Variants in TNFSF13B observed in about 807,000 individuals in gnomAD.
TNFSF13B encodes the protein TNF superfamily member 13b, also known as tumor necrosis factor ligand superfamily member 13B.
Under a neutral mutation model 29.1 loss-of-function variants are expected in TNFSF13B, and 8 were observed. The ratio of observed to expected loss-of-function variants is 0.27; its 90% CI spans 0.16 to 0.50. TNFSF13B has a LOEUF of 0.50. Ranked by LOEUF, TNFSF13B falls within the 20% of genes least tolerant of loss-of-function variation. The probability of loss-of-function intolerance (pLI) is 0.98; values close to 1 mark genes in which losing one functional copy is unlikely to be tolerated. For synonymous variants in TNFSF13B, 125 were observed against 130.8 expected, an observed-to-expected ratio of 0.96 and a Z score of 0.30; for missense variants, 248 against 334.9, an observed-to-expected ratio of 0.74 and a Z score of 2.03.
rs375713150 is a variant in TNFSF13B, at chr13:108,284,186, A to G, written c.425-2617A>G. Among the ~76,000 whole-genome samples the G allele has an allele frequency of 2.2e-4, 34 of 152,274 alleles. 1 individual carries two copies. In the East Asian group the frequency reaches 3.9e-3, roughly 17 times the overall value. ...CTATTAAAAATACAAAGAATTAGCC[A>G]GGCATGGTGGCGGGCACCTGTAGTC... is the stretch of plus-strand genomic sequence containing the variant. On this transcript the variant is annotated intron_variant, in intron 2 of 5. Coordinates refer to ENST00000375887, the MANE Select transcript of TNFSF13B (RefSeq NM_006573.5).
chr13:108,280,704 G>A (rs1880918204), intron 2 of TNFSF13B, among the ~76,000 whole-genome samples: 1 of 150,448 alleles, frequency 6.6e-6, no homozygotes, highest in Non-Finnish European at 1.5e-5. Flanking sequence ...GCAACATTAA[G>A]TCATGATAAT....
chr13:108,306,287 T>C (rs1881773923), intron 5 of TNFSF13B, among the ~76,000 whole-genome samples: 1 of 152,094 alleles, frequency 6.6e-6, no homozygotes, highest in South Asian at 2.1e-4. Flanking sequence ...CTTAAATCCA[T>C]AGTCGGGACT....
intron 2 of TNFSF13B, among the ~76,000 whole-genome samples, chr13:108,276,502 G>C (rs9520829): frequency 0.24 from 36,072 of 152,150 alleles, 5,358 homozygotes; most frequent in South Asian, 0.41. Context: ...ATGTGATATT[G>C]TGTCTCTTTT....
chr13:108,288,226 T>C (rs910381776), intron 3 of TNFSF13B, among the ~76,000 whole-genome samples: 1 of 152,196 alleles, frequency 6.6e-6, no homozygotes, highest in Non-Finnish European at 1.5e-5. Flanking sequence ...GAACCATTCG[T>C]TCACTCACAC....
chr13:108,271,463 C>T (rs1344574928), intron 2 of TNFSF13B, among the ~76,000 whole-genome samples: 1 of 150,406 alleles, frequency 6.6e-6, no homozygotes, highest in Non-Finnish European at 1.5e-5. Context: ...CACACACACA[C>T]ACACACACAC....
chr13:108,284,296 T>A (rs1278466275), intron 2 of TNFSF13B, among the ~76,000 whole-genome samples: 1 of 152,004 alleles, frequency 6.6e-6, no homozygotes, highest in Non-Finnish European at 1.5e-5. Flanking sequence ...GCCACTGCAC[T>A]CCAGCCTGGG....
intron 2 of TNFSF13B, among the ~76,000 whole-genome samples, chr13:108,273,437 A>G (rs1880675097): frequency 6.6e-6 from 1 of 152,198 alleles, no homozygotes. Context: ...AAATTCTCAA[A>G]ACATATGCAT....
chr13:108,272,801 AC>A (rs1408840114), intron 2 of TNFSF13B, among the ~76,000 whole-genome samples: 1 of 152,052 alleles, frequency 6.6e-6, no homozygotes, highest in African/African-American at 2.4e-5. Context: ...CTTAACCTTC[AC>A]TGCTAATATC....
In TNFSF13B at chr13:108,270,182, G is replaced by A; in HGVS notation, c.287G>A (p.Gly96Glu). Residue 96 changes from glycine (G) to glutamate (E), a missense_variant, in exon 1 of 6, where the codon GGA becomes GAA. This residue lies in a region of TNFSF13B where 186 missense variants were observed against 196.3 expected (regional missense o/e 0.95). Transcript: ENST00000375887. ...GCGGAGAAGCTGCCAGCAGGAGCAG[G>A]AGCCCCCAAGGCCGGCCTGGAGGAA... ...HHAEKLPAGA[G>E]APKAGLEEAP... 1 of 1,602,262 alleles carries A rather than the reference G, an allele frequency of 6.2e-7. No individual in the cohort carries two copies.
chr13:108,296,407 A>G (rs1192353727), intron 3 of TNFSF13B, among the ~76,000 whole-genome samples: 5 of 145,348 alleles, frequency 3.4e-5, no homozygotes, highest in Admixed American at 3.4e-4. Flanking sequence ...CATCCCTGTT[A>G]TCTTTGGCTG....
At chr13:108,303,003 C>A in intron 3 of TNFSF13B, 1 of 477,834 alleles carries the variant, frequency 2.1e-6, no homozygotes, top group Non-Finnish European at 3.2e-6. Context: ...AAAACCCAGA[C>A]ATTCATATAA....
chr13:108,287,593 CA>C (rs1881182330), intron 3 of TNFSF13B, among the ~76,000 whole-genome samples: 1 of 151,998 alleles, frequency 6.6e-6, no homozygotes, highest in South Asian at 2.1e-4. Flanking sequence ...ATTTAGACAG[CA>C]TTTTATCTTT....
At chr13:108,300,284 T>C in intron 3 of TNFSF13B, among the ~76,000 whole-genome samples, 1 of 152,236 alleles carries the variant, frequency 6.6e-6, no homozygotes, top group African/African-American at 2.4e-5. Context: ...ATTAATTTAA[T>C]AAATATTTGC....
chr13:108,289,148 T>C (rs1881230489), intron 3 of TNFSF13B, among the ~76,000 whole-genome samples: 1 of 152,164 alleles, frequency 6.6e-6, no homozygotes, highest in Non-Finnish European at 1.5e-5. Context: ...AAAGGTTTAC[T>C]TTACACATCT....
chr13:108,293,892 A>G (rs894210705), intron 3 of TNFSF13B, among the ~76,000 whole-genome samples: 4 of 152,194 alleles, frequency 2.6e-5, no homozygotes, highest in African/African-American at 9.7e-5. Context: ...TTATAAGGAC[A>G]TTAACCCATC....
intron 2 of TNFSF13B, among the ~76,000 whole-genome samples, chr13:108,282,271 G>A (rs1880979332): frequency 3.3e-5 from 5 of 152,132 alleles, no homozygotes; most frequent in Admixed American, 3.3e-4. Flanking sequence ...TGTTTTTCAT[G>A]GGAGACACAT....
chr13:108,291,168 G>C (rs1881297002), intron 3 of TNFSF13B, among the ~76,000 whole-genome samples: 1 of 150,406 alleles, frequency 6.6e-6, no homozygotes. Context: ...TTATTTTCTG[G>C]TAAATTTAAT....
chr13:108,307,804 C>T lies in TNFSF13B; in HGVS notation c.*866C>T, dbSNP rs1290400422. The stretch of plus-strand genomic sequence containing the variant: ...TTCATACTAATGTAATGTAATTTCC[C>T]TTTATTTCTTGCTCTTCTGTTTCAA... On this transcript the variant is annotated 3_prime_UTR_variant, in exon 6 of 6. Transcript: ENST00000375887. 2 of 152,014 alleles carry T rather than the reference C, an allele frequency of 1.3e-5. No homozygotes were observed. The highest frequency in any genetic ancestry group is 2.9e-5 in the Non-Finnish European group (2 of 67,944). The allele number at this position is 152,014 out of a possible 1,614,324, so 9.4% of individuals were successfully genotyped here.
intron 3 of TNFSF13B, among the ~76,000 whole-genome samples, chr13:108,296,729 A>C (rs2139064075): frequency 6.9e-6 from 1 of 145,590 alleles, no homozygotes; most frequent in Admixed American, 6.8e-5. Flanking sequence ...TTTTATAAGT[A>C]CATCATTTTG....
Sources: gnomAD v4.1 joint callset for allele counts (sites outside exome capture counted in the v4.1 genomes callset) on GRCh38, gnomAD v4.1.1 for gene constraint, gnomAD v4.1.1 regional missense constraint, MANE v1.5 for transcripts, NCBI Gene and HGNC (gene_info 2026-07-23, HGNC 2026-07-21) for gene names.